RBFOX1: variants seen among roughly 807,000 people sequenced by gnomAD.
RBFOX1 encodes the protein RNA binding protein fox-1 homolog 1.
RBFOX1 carries 8 observed loss-of-function variants against 57.7 expected under a neutral mutation model. The observed-to-expected ratio is 0.14, with a 90% CI of 0.08 to 0.25. The LOEUF (loss-of-function observed/expected upper bound fraction) is 0.25. Ranked by LOEUF, RBFOX1 falls within the 10% of genes least tolerant of loss-of-function variation. RBFOX1 has a pLI of 1.00. For missense variants in RBFOX1, 611 were observed against 548.5 expected (o/e 1.11, Z -1.14); for synonymous variants, 326 against 222.4 (o/e 1.47, Z -4.15).
intron 4 of RBFOX1, among the ~76,000 whole-genome samples, chr16:7,081,324 C>G (rs991009493): frequency 3.3e-5 from 5 of 152,194 alleles, no homozygotes; most frequent in African/African-American, 2.4e-5. Flanking sequence ...TGTGAGCCAC[C>G]ACGCCCGGCC....
At chr16:6,020,061 T>G (rs2095036815) in intron 1 of RBFOX1, 69 bp downstream of exon 1, 1 of 1,359,830 alleles carries the variant, frequency 7.4e-7, no homozygotes, top group African/African-American at 1.5e-5. Flanking sequence ...GAAGGTCTCA[T>G]GGAGGGAAGC....
At chr16:5,862,683 C>A (rs942036740) in intron 3 of RBFOX1, among the ~76,000 whole-genome samples, 1 of 152,122 alleles carries the variant, frequency 6.6e-6, no homozygotes, top group Non-Finnish European at 1.5e-5. Context: ...TTATCTGGAT[C>A]CATTTAAAGT....
At chr16:7,514,477 G>A (rs1421799423) in intron 4 of RBFOX1, among the ~76,000 whole-genome samples, 1 of 152,140 alleles carries the variant, frequency 6.6e-6, no homozygotes, top group African/African-American at 2.4e-5. Context: ...CCTGTTTTCA[G>A]GGAGCTCACA....
chr16:5,588,759 A>G (rs534093208), intron 2 of RBFOX1, among the ~76,000 whole-genome samples: 1 of 152,262 alleles, frequency 6.6e-6, no homozygotes, highest in East Asian at 1.9e-4. Context: ...GTCGGGGGGA[A>G]ATGGAGTCAA....
intron 11 of RBFOX1, 140 bp from the exon 12 acceptor site, chr16:7,653,675 A>T: frequency 7.9e-7 from 1 of 1,261,326 alleles, no homozygotes; most frequent in Middle Eastern, 2.6e-4. Context: ...TCTGCTTTTT[A>T]ACCTCTTGAT....
At position 6,351,377 on chromosome 16, in the gene RBFOX1, T is replaced by A. The variant is rs1269886368; in HGVS notation, c.-64+34320T>A. On this transcript the variant is annotated intron_variant, in intron 2 of 15. Coordinates refer to ENST00000550418, the MANE Select transcript of RBFOX1 (RefSeq NM_018723.4). ...GTATATATATATATATATATATTTT[T>A]TTTTTTTTTTCTTGAGGCAGAGTTT... Among the ~76,000 whole-genome samples the A allele has an allele frequency of 8.4e-3, 1,165 of 138,490 alleles. 20 individuals carry two copies. The highest frequency in any genetic ancestry group is 0.011 in the African/African-American group (383 of 35,484). 90.9% of individuals were successfully genotyped at this position (138,490 alleles called of 152,430 possible).
intron 3 of RBFOX1, among the ~76,000 whole-genome samples, chr16:6,903,685 C>T (rs925899336): frequency 3.3e-5 from 5 of 152,056 alleles, no homozygotes; most frequent in African/African-American, 1.2e-4. Flanking sequence ...AGATGCCTTT[C>T]AGAAAGTCTT....
chr16:5,751,050 C>T lies in RBFOX1; in HGVS notation c.319-116253C>T, dbSNP rs375372126. Among the ~76,000 whole-genome samples the T allele has an allele frequency of 9.2e-5, 14 of 152,312 alleles. No individual in the cohort carries two copies. In the South Asian group the frequency reaches 2.1e-3, roughly 23 times the overall value. On this transcript the variant is annotated intron_variant, in intron 3 of 19. Coordinates refer to the RBFOX1 transcript ENST00000641259. ...AGAGAGGTGGGTTTCACCATGTTGA[C>T]TGGGCTGGTCTCAAACTTCTGACCT...
At chr16:7,334,337 C>T (rs926278542) in intron 4 of RBFOX1, among the ~76,000 whole-genome samples, 1 of 152,052 alleles carries the variant, frequency 6.6e-6, no homozygotes, top group African/African-American at 2.4e-5. Flanking sequence ...TTGCGTCTTC[C>T]CTGGTATACA....
Position 5,593,388 on chromosome 16 carries a change from G to C in RBFOX1, c.259-5514G>C, listed in dbSNP as rs145663650. Among the ~76,000 whole-genome samples the C allele has an allele frequency of 4.1e-3, 626 of 152,294 alleles. 2 individuals carry two copies. The highest frequency in any genetic ancestry group is 0.015 in the African/African-American group (604 of 41,572). ...GATAGCATTAGGAGAAATACCTAAT[G>C]TAGATGATGGGTTGATGGGTGCAGC... On this transcript the variant is annotated intron_variant, in intron 2 of 2. Transcript: ENST00000585867.
intron 3 of RBFOX1, among the ~76,000 whole-genome samples, chr16:5,653,215 C>G (rs903466056): frequency 2.0e-5 from 3 of 151,234 alleles, no homozygotes; most frequent in African/African-American, 7.4e-5. Flanking sequence ...TAGCCATGTG[C>G]TGGGTTTCTG....
chr16:5,926,584 C>T (rs1567156042), intron 4 of RBFOX1, among the ~76,000 whole-genome samples: 1 of 152,100 alleles, frequency 6.6e-6, no homozygotes, highest in Admixed American at 6.5e-5. Context: ...ACTCGTAACT[C>T]GTTGTGTGAC....
At chr16:7,257,477 G>A (rs2094738094) in intron 4 of RBFOX1, among the ~76,000 whole-genome samples, 3 of 152,130 alleles carry the variant, frequency 2.0e-5, no homozygotes, top group African/African-American at 7.2e-5. Context: ...TGGTATGGCT[G>A]TCAGCCATAC....
intron 14 of RBFOX1, among the ~76,000 whole-genome samples, chr16:7,681,386 A>T (rs1342301319): frequency 6.6e-6 from 1 of 152,132 alleles, no homozygotes; most frequent in African/African-American, 2.4e-5. Context: ...TGCACAAAAG[A>T]TTGTACAAGC....
chr16:5,659,504 C>T, intron 3 of RBFOX1, among the ~76,000 whole-genome samples: 1 of 152,010 alleles, frequency 6.6e-6, no homozygotes, highest in Non-Finnish European at 1.5e-5. Flanking sequence ...GGGGTTTTAC[C>T]ATGTTAGCCA....
intron 4 of RBFOX1, among the ~76,000 whole-genome samples, chr16:7,412,947 C>T (rs2098443800): frequency 6.6e-6 from 1 of 152,290 alleles, no homozygotes; most frequent in Admixed American, 6.5e-5. Context: ...GAGGCTGAGG[C>T]AGGAGAATGG....
intron 3 of RBFOX1, among the ~76,000 whole-genome samples, chr16:6,679,856 C>T (rs997938262): frequency 6.3e-5 from 9 of 143,672 alleles, no homozygotes; most frequent in African/African-American, 2.4e-4. Flanking sequence ...GGACCTTCTA[C>T]ATAAAGCCAT....
chr16:6,707,227 C>G (rs1435432692), intron 3 of RBFOX1, among the ~76,000 whole-genome samples: 1 of 152,134 alleles, frequency 6.6e-6, no homozygotes, highest in Non-Finnish European at 1.5e-5. Context: ...CAGATCAATA[C>G]CAGCATTTCC....
At chr16:7,456,218 A>T (rs13339655) in intron 4 of RBFOX1, among the ~76,000 whole-genome samples, 1 of 151,946 alleles carries the variant, frequency 6.6e-6, no homozygotes, top group Non-Finnish European at 1.5e-5. Flanking sequence ...TCCCTTTAAC[A>T]GTTCCTCCAC....
Sources: gnomAD v4.1 joint callset for allele counts (sites outside exome capture counted in the v4.1 genomes callset) on GRCh38, gnomAD v4.1.1 for gene constraint, MANE v1.5 for transcripts, NCBI Gene and HGNC (gene_info 2026-07-23, HGNC 2026-07-21) for gene names.